The following MYO16 variants were observed in gnomAD, a reference collection of about 807,000 sequenced individuals.
MYO16 encodes unconventional myosin-XVI.
In MYO16, 94 loss-of-function variants were observed where a neutral mutation model predicts 205.3. The observed-to-expected ratio is 0.46, with a 90% CI of 0.39 to 0.54. The LOEUF (loss-of-function observed/expected upper bound fraction) is 0.54. Among genes scored for constraint, MYO16 ranks in the 20% least tolerant of loss-of-function variants. The probability of loss-of-function intolerance (pLI) is 0.00; values close to 1 mark genes in which losing one functional copy is unlikely to be tolerated. For missense variants in MYO16, 2,315 were observed against 2,387.5 expected, an observed-to-expected ratio of 0.97 and a Z score of 0.63; for synonymous variants, 988 against 954.0, an observed-to-expected ratio of 1.04 and a Z score of -0.66.
At chr13:108,544,446 G>A in the MYO16 span, among the ~76,000 whole-genome samples, 344 of 152,266 alleles carry the variant, frequency 2.3e-3, 2 homozygotes, top group African/African-American at 7.8e-3. Flanking sequence ...GAGAGATTTT[G>A]TTCAGGCATG....
At chr13:108,907,938 T>C (rs1356138683) in intron 15 of MYO16, among the ~76,000 whole-genome samples, 1 of 152,098 alleles carries the variant, frequency 6.6e-6, no homozygotes, top group Non-Finnish European at 1.5e-5. Context: ...CTAGAAAAAA[T>C]GGAAGATAAT....
chr13:108,762,630 G>A (rs970814414), intron 4 of MYO16, among the ~76,000 whole-genome samples: 4 of 152,132 alleles, frequency 2.6e-5, no homozygotes, highest in East Asian at 3.9e-4. Flanking sequence ...TGGCATCTTC[G>A]ACTTACAGTT....
intron 21 of MYO16, among the ~76,000 whole-genome samples, chr13:109,004,417 G>A (rs1054972210): frequency 2.0e-5 from 3 of 151,974 alleles, no homozygotes; most frequent in African/African-American, 7.3e-5. Flanking sequence ...CTTATTATTG[G>A]AGTTTAACAA....
chr13:108,804,506 G>T (rs1216871118), intron 6 of MYO16, among the ~76,000 whole-genome samples: 1 of 152,024 alleles, frequency 6.6e-6, no homozygotes, highest in East Asian at 1.9e-4. Context: ...AGACATTTTT[G>T]TTGTTGTTGT....
At chr13:108,613,514 T>A (rs1044283572) in intron 1 of MYO16, among the ~76,000 whole-genome samples, 1 of 152,104 alleles carries the variant, frequency 6.6e-6, no homozygotes, top group Middle Eastern at 3.2e-3. Flanking sequence ...AATCACTCTA[T>A]GCAGCCAGAA....
the MYO16 span, among the ~76,000 whole-genome samples, chr13:108,543,588 A>G: frequency 3.0e-4 from 44 of 147,682 alleles, no homozygotes; most frequent in East Asian, 7.6e-3. Flanking sequence ...CTTGCAGTGA[A>G]CCGAGATTGT....
chr13:108,808,191 G>A (rs1887172280), intron 7 of MYO16, among the ~76,000 whole-genome samples: 1 of 151,854 alleles, frequency 6.6e-6, no homozygotes. Context: ...GAAATGCATA[G>A]ACACAAAAAG....
At chr13:108,854,271 A>G (rs1878053926) in intron 10 of MYO16, among the ~76,000 whole-genome samples, 1 of 152,166 alleles carries the variant, frequency 6.6e-6, no homozygotes, top group Non-Finnish European at 1.5e-5. Context: ...CTGGGATTAC[A>G]GGTGTAAGCC....
At chr13:108,608,791 C>A (rs184586766) in intron 1 of MYO16, among the ~76,000 whole-genome samples, 42 of 152,134 alleles carry the variant, frequency 2.8e-4, no homozygotes, top group African/African-American at 9.6e-4. Context: ...TACAGGCATG[C>A]ACCACCATGC....
At chr13:108,733,280 T>C (rs1884582261) in intron 4 of MYO16, among the ~76,000 whole-genome samples, 1 of 152,230 alleles carries the variant, frequency 6.6e-6, no homozygotes, top group Non-Finnish European at 1.5e-5. Flanking sequence ...TTAACTTTTA[T>C]GCAGCCCTCC....
At position 109,127,721 on chromosome 13, in the gene MYO16, A is replaced by G. The variant is rs1036150236; in HGVS notation, c.4051+171A>G. The G allele has an allele frequency of 5.9e-6, 4 of 682,358 alleles. No homozygotes were observed. Among genetic ancestry groups the G allele is most frequent in the Admixed American group, 6.1e-5 (2 of 32,980 alleles). The allele number at this position is 682,358 out of a possible 1,614,324, so 42.3% of individuals were successfully genotyped here. On this transcript the variant is annotated intron_variant, in intron 31 of 34. Transcript: ENST00000457511. The surrounding 1 kb of genome is among the most constrained non-coding windows in gnomAD (Gnocchi z 4.2). ...ATTAAATATAAATAATATTTATTCA[A>G]ATCTCTAAGCCTCTTAGGGAAAAGC...
intron 34 of MYO16, among the ~76,000 whole-genome samples, chr13:109,189,457 A>G (rs1172352829): frequency 1.3e-5 from 2 of 152,138 alleles, no homozygotes; most frequent in African/African-American, 2.4e-5. Context: ...GACTTCTTTC[A>G]GATTATTTGG....
rs149117381 is a variant in MYO16 at position 108,983,603 on chromosome 13, T to G, written c.2370-8773T>G. On this transcript the variant is annotated intron_variant, in intron 20 of 34. Coordinates refer to ENST00000457511, the MANE Select transcript of MYO16 (RefSeq NM_001198950.3). ...AGGAACATTGGAGCCCAAAATGCTATGTGCCTTCGGAGACTGCTGCTTTCT... is the reference window on the plus strand; with the variant it reads ...AGGAACATTGGAGCCCAAAATGCTAGGTGCCTTCGGAGACTGCTGCTTTCT... Among the ~76,000 whole-genome samples the G allele has an allele frequency of 2.6e-5, 4 of 152,326 alleles. No homozygotes were observed. The East Asian group carries it at 7.7e-4, about 29-fold the overall frequency.
the MYO16 span, among the ~76,000 whole-genome samples, chr13:108,584,304 C>A: frequency 3.9e-5 from 6 of 152,050 alleles, no homozygotes; most frequent in Non-Finnish European, 5.9e-5. Context: ...AAGTTATTTG[C>A]ATTGTCTATG....
chr13:108,868,356 A>C (rs1019397662), intron 12 of MYO16, among the ~76,000 whole-genome samples: 9 of 152,136 alleles, frequency 5.9e-5, no homozygotes, highest in Non-Finnish European at 1.0e-4. Context: ...TATTGCTCTA[A>C]TTTGTGTTTC....
At chr13:109,006,573 A>T (rs1220588232) in intron 21 of MYO16, among the ~76,000 whole-genome samples, 2 of 152,126 alleles carry the variant, frequency 1.3e-5, no homozygotes, top group Non-Finnish European at 2.9e-5. Context: ...AAGCTTTCGC[A>T]TTTCTTTATA....
intron 4 of MYO16, among the ~76,000 whole-genome samples, chr13:108,728,475 G>A (rs1282200418): frequency 1.3e-5 from 2 of 152,290 alleles, no homozygotes; most frequent in South Asian, 2.1e-4. Context: ...AAGCACCCTT[G>A]CGGAGGTTAG....
chr13:109,157,713 C>A (rs1413106228), intron 32 of MYO16, among the ~76,000 whole-genome samples: 1 of 152,110 alleles, frequency 6.6e-6, no homozygotes, highest in African/African-American at 2.4e-5. Flanking sequence ...CCTGGATGTC[C>A]CTGTCACATG....
At chr13:108,907,863 C>T (rs148735199) in intron 15 of MYO16, among the ~76,000 whole-genome samples, 44 of 152,210 alleles carry the variant, frequency 2.9e-4, no homozygotes, top group African/African-American at 1.1e-3. Context: ...GGTTAGCCAA[C>T]CATTTCTCCA....
Sources: gnomAD v4.1 joint callset for allele counts (sites outside exome capture counted in the v4.1 genomes callset) on GRCh38, gnomAD v4.1.1 for gene constraint, Gnocchi (gnomAD v3.1) non-coding constraint, MANE v1.5 for transcripts, NCBI Gene and HGNC (gene_info 2026-07-23, HGNC 2026-07-21) for gene names.